Variants in B3GALT1 observed in about 807,000 individuals in gnomAD.
B3GALT1 encodes UDP-Gal:betaGlcNAc beta 1,3-galactosyltransferase, polypeptide 1.
A neutral mutation model predicts 23.2 loss-of-function variants in B3GALT1; 10 were observed. The ratio of observed to expected loss-of-function variants is 0.43; its 90% CI spans 0.27 to 0.73. B3GALT1 has a LOEUF of 0.73. Among genes scored for constraint, B3GALT1 ranks in the 30% least tolerant of loss-of-function variants. B3GALT1 has a pLI of 0.21. For missense variants in B3GALT1, 299 were observed against 405.4 expected (o/e 0.74, Z 2.25); for synonymous variants, 156 against 141.5 (o/e 1.10, Z -0.73).
intron 3 of B3GALT1, among the ~76,000 whole-genome samples, chr2:167,662,737 T>G (rs1686083136): frequency 6.6e-6 from 1 of 151,738 alleles, no homozygotes; most frequent in South Asian, 2.1e-4. Flanking sequence ...GGGCCCCACC[T>G]CTCTGGTTTC....
chr2:167,855,833 G>A (rs1483740574), intron 4 of B3GALT1, among the ~76,000 whole-genome samples: 1 of 152,012 alleles, frequency 6.6e-6, no homozygotes, highest in African/African-American at 2.4e-5. Context: ...TTCAAATTAT[G>A]TACTAAGGGA....
intron 3 of B3GALT1, among the ~76,000 whole-genome samples, chr2:167,701,554 G>C (rs1380174821): frequency 6.6e-6 from 1 of 152,108 alleles, no homozygotes; most frequent in Non-Finnish European, 1.5e-5. Flanking sequence ...ATAAAAATAA[G>C]TTATGTCTTG....
intron 3 of B3GALT1, among the ~76,000 whole-genome samples, chr2:167,730,862 A>G (rs1470095717): frequency 3.9e-5 from 6 of 152,258 alleles, no homozygotes; most frequent in Non-Finnish European, 8.8e-5. Flanking sequence ...AAAGATATTT[A>G]TAATTGTCAT....
chr2:167,323,952 C>T (rs1224925603), intron 1 of B3GALT1, among the ~76,000 whole-genome samples: 1 of 151,936 alleles, frequency 6.6e-6, no homozygotes, highest in Non-Finnish European at 1.5e-5. Context: ...GGCTCAGTTG[C>T]CCAATCCCAT....
At chr2:167,813,597 G>T (rs1365246224) in intron 3 of B3GALT1, among the ~76,000 whole-genome samples, 1 of 152,144 alleles carries the variant, frequency 6.6e-6, no homozygotes, top group Admixed American at 6.5e-5. Flanking sequence ...GTTAATATGG[G>T]TATAGGATGT....
At chr2:167,616,563 G>A (rs1685165752) in intron 2 of B3GALT1, among the ~76,000 whole-genome samples, 2 of 151,996 alleles carry the variant, frequency 1.3e-5, no homozygotes, top group African/African-American at 2.4e-5. Flanking sequence ...TTAGCTGGGT[G>A]TGGTGGTGCA....
intron 2 of B3GALT1, among the ~76,000 whole-genome samples, chr2:167,541,240 A>C (rs1683529828): frequency 6.6e-6 from 1 of 152,122 alleles, no homozygotes; most frequent in Non-Finnish European, 1.5e-5. Context: ...CGTCAGTTTT[A>C]GCTTTTCTGA....
At chr2:167,637,541 A>G (rs1195327280) in intron 2 of B3GALT1, among the ~76,000 whole-genome samples, 1 of 152,008 alleles carries the variant, frequency 6.6e-6, no homozygotes, top group East Asian at 1.9e-4. Flanking sequence ...ATTTTGAAAT[A>G]TACAATACAT....
chr2:167,750,682 A>G (rs1365107692), intron 3 of B3GALT1, among the ~76,000 whole-genome samples: 1 of 150,374 alleles, frequency 6.7e-6, no homozygotes, highest in African/African-American at 2.4e-5. Flanking sequence ...TCATAGACAG[A>G]TATTATGTAG....
intron 3 of B3GALT1, chr2:167,714,519 G>A (rs1432983065): frequency 2.1e-5 from 34 of 1,611,550 alleles, no homozygotes; most frequent in African/African-American, 8.0e-5. Flanking sequence ...TATGGCGAAC[G>A]CTCTCTGCCA....
At chr2:167,624,937 C>G (rs1159750584) in intron 2 of B3GALT1, among the ~76,000 whole-genome samples, 4 of 151,906 alleles carry the variant, frequency 2.6e-5, no homozygotes, top group African/African-American at 9.7e-5. Context: ...GATCAACTGG[C>G]TAGTGATTTT....
chr2:167,863,429 C>T (rs781566369), intron 4 of B3GALT1, among the ~76,000 whole-genome samples: 4 of 152,150 alleles, frequency 2.6e-5, no homozygotes, highest in East Asian at 1.9e-4. Context: ...ACCCTTTCCC[C>T]GGAAGCTCAG....
At chr2:167,571,088 T>C (rs1045557890) in intron 2 of B3GALT1, among the ~76,000 whole-genome samples, 14 of 151,972 alleles carry the variant, frequency 9.2e-5, no homozygotes, top group Admixed American at 9.2e-4. Context: ...GAAACACATT[T>C]CTTCCAGGTA....
chr2:167,359,701 A>G (rs1009109985), intron 1 of B3GALT1, among the ~76,000 whole-genome samples: 3 of 151,910 alleles, frequency 2.0e-5, no homozygotes, highest in Admixed American at 2.0e-4. Context: ...ACAACACCCC[A>G]GAGAGTCTGG....
intron 1 of B3GALT1, among the ~76,000 whole-genome samples, chr2:167,351,955 A>ATTTTT (rs71031283): frequency 7.4e-6 from 1 of 134,302 alleles, no homozygotes. Flanking sequence ...GCTGTTTTTG[A>ATTTTT]TTTTTTTTTT....
At chr2:167,317,549 A>G (rs1022496956) in intron 1 of B3GALT1, among the ~76,000 whole-genome samples, 1 of 152,130 alleles carries the variant, frequency 6.6e-6, no homozygotes, top group Non-Finnish European at 1.5e-5. Context: ...CTGATTTCCA[A>G]AAGACACTTC....
rs1338312498 is a variant in B3GALT1, at chr2:167,870,132, T to C, written c.*112T>C. 2 of 1,184,858 alleles carry C rather than the reference T, an allele frequency of 1.7e-6. No homozygotes were observed. The highest frequency in any genetic ancestry group is 3.1e-5 in the African/African-American group (2 of 64,518). 73.4% of individuals were successfully genotyped at this position (1,184,858 alleles called of 1,614,324 possible). A position where few individuals can be genotyped will look rare whatever the true frequency, so the allele number is the denominator to read the frequency against. ...GAACTGGTGAAGGGGTTTTGTAAAG[T>C]TTTTGCTTCCTGCTATAAGTTCTTT... On this transcript the variant is annotated 3_prime_UTR_variant, in exon 5 of 5. Transcript: ENST00000392690.
chr2:167,461,071 G>T (rs1348120695), intron 1 of B3GALT1, among the ~76,000 whole-genome samples: 1 of 152,158 alleles, frequency 6.6e-6, no homozygotes, highest in Non-Finnish European at 1.5e-5. Flanking sequence ...CAATGGGAGG[G>T]GGATACAGCA....
At chr2:167,633,984 T>A (rs1294949050) in intron 2 of B3GALT1, among the ~76,000 whole-genome samples, 1 of 152,114 alleles carries the variant, frequency 6.6e-6, no homozygotes, top group Non-Finnish European at 1.5e-5. Flanking sequence ...ATGGAAATCA[T>A]AACAAACGGT....
Sources: allele counts gnomAD v4.1 joint callset (sites outside exome capture counted in the v4.1 genomes callset), GRCh38; gene constraint gnomAD v4.1.1; transcripts MANE v1.5; gene names NCBI Gene and HGNC (gene_info 2026-07-23, HGNC 2026-07-21).